Variants in CELF2 observed in about 807,000 individuals in gnomAD.
The protein encoded by CELF2 is CUG triplet repeat RNA-binding protein 2.
CELF2 carries 8 observed loss-of-function variants against 62.6 expected under a neutral mutation model. The ratio of observed to expected loss-of-function variants is 0.13; its 90% confidence interval spans 0.07 to 0.23. CELF2 has a LOEUF of 0.23. Among genes scored for constraint, CELF2 ranks in the 10% least tolerant of loss-of-function variants. CELF2 has a pLI of 1.00. For missense variants in CELF2, 333 were observed against 671.0 expected (o/e 0.50, Z 5.56); for synonymous variants, 258 against 250.0 (o/e 1.03, Z -0.30).
chr10:10,688,809 G>A, the CELF2 span, among the ~76,000 whole-genome samples: 1 of 151,676 alleles, frequency 6.6e-6, no homozygotes, highest in Non-Finnish European at 1.5e-5. Flanking sequence ...AGGCCAGTCT[G>A]AGCAACAAAA....
At chr10:10,701,615 T>C in the CELF2 span, among the ~76,000 whole-genome samples, 2 of 152,240 alleles carry the variant, frequency 1.3e-5, no homozygotes, top group Admixed American at 6.5e-5. Flanking sequence ...TAAGCATTAC[T>C]ATAACCAGGT....
intron 8 of CELF2, among the ~76,000 whole-genome samples, chr10:11,275,665 T>G (rs2085777880): frequency 6.6e-6 from 1 of 152,124 alleles, no homozygotes; most frequent in Non-Finnish European, 1.5e-5. Context: ...ATCAGAAGCT[T>G]TTATGTGAAA....
chr10:11,109,449 A>G (rs1211720055), intron 1 of CELF2, among the ~76,000 whole-genome samples: 3 of 152,210 alleles, frequency 2.0e-5, no homozygotes, highest in Non-Finnish European at 4.4e-5. Context: ...GTTTCTATCT[A>G]GAATTCGAAA....
chr10:10,914,974 C>CA (rs538015266), intron 1 of CELF2, among the ~76,000 whole-genome samples: 271 of 151,306 alleles, frequency 1.8e-3, no homozygotes, highest in Middle Eastern at 3.4e-3. Flanking sequence ...ACTAAAAATA[C>CA]AAAAAAAATT....
Position 11,242,740 on chromosome 10 carries a change from C to G in CELF2, c.355-6413C>G, listed in dbSNP as rs187197733. Among the ~76,000 whole-genome samples, 13 of 152,274 alleles carry G rather than the reference C, an allele frequency of 8.5e-5. No individual in the cohort carries two copies. The highest frequency in any genetic ancestry group is 8.8e-5 in the Non-Finnish European group (6 of 68,008). ...GAGGGGCATCAGGTCCAGTCACAGGCCAGCCAGGGTGAGGACCAGGGTGGA... is the reference window on the plus strand; with the variant it reads ...GAGGGGCATCAGGTCCAGTCACAGGGCAGCCAGGGTGAGGACCAGGGTGGA... On this transcript the variant is annotated intron_variant, in intron 3 of 12. Coordinates refer to ENST00000633077, the MANE Select transcript of CELF2 (RefSeq NM_001326342.2). The surrounding 1 kb of genome is among the most constrained non-coding windows in gnomAD (Gnocchi z 4.8).
rs1190976071 is a variant in CELF2, at chr10:11,177,311, G to A, written c.271+11629G>A. ...ATGCAGCATGATGAAAGAAATAAAAGTCTCCTTATTTTTTTACTTTCTGTG... is the reference window on the plus strand; with the variant it reads ...ATGCAGCATGATGAAAGAAATAAAAATCTCCTTATTTTTTTACTTTCTGTG... On this transcript the variant is annotated intron_variant, in intron 2 of 12. Transcript: ENST00000633077. This position sits in a 1 kb window ranked among gnomAD's most constrained non-coding sequence, Gnocchi z 4.8. 6.6e-6 allele frequency among the ~76,000 whole-genome samples: 1 copy of A among 151,726 alleles called. No individual in the cohort carries two copies. The highest frequency in any genetic ancestry group is 2.4e-5 in the African/African-American group (1 of 41,278).
At chr10:10,661,937 A>C in the CELF2 span, among the ~76,000 whole-genome samples, 3 of 152,142 alleles carry the variant, frequency 2.0e-5, no homozygotes, top group East Asian at 5.8e-4. Context: ...AACATCAGTC[A>C]ATCATTTGTT....
chr10:11,014,927 G>A (rs1779021200), upstream of CELF2, among the ~76,000 whole-genome samples: 1 of 152,288 alleles, frequency 6.6e-6, no homozygotes, highest in South Asian at 2.1e-4. Flanking sequence ...AAAACTATGA[G>A]GAAACTTCAT....
the CELF2 span, chr10:10,776,140 T>G: frequency 6.5e-6 from 1 of 152,852 alleles, no homozygotes; most frequent in Non-Finnish European, 1.5e-5. Context: ...ACAGAAAGAG[T>G]GCAGTTTACT....
intron 2 of CELF2, among the ~76,000 whole-genome samples, chr10:11,168,708 A>G (rs1049071756): frequency 1.3e-5 from 2 of 152,148 alleles, no homozygotes; most frequent in Non-Finnish European, 2.9e-5. Flanking sequence ...TCAGGCTGTT[A>G]CCTAATAATC....
At chr10:10,525,954 T>C in the CELF2 span, among the ~76,000 whole-genome samples, 1 of 152,236 alleles carries the variant, frequency 6.6e-6, no homozygotes, top group South Asian at 2.1e-4. Flanking sequence ...CCATATACAA[T>C]GGCTCTCTTG....
At chr10:10,846,728 G>C (rs2059038349) in intron 1 of CELF2, among the ~76,000 whole-genome samples, 1 of 152,212 alleles carries the variant, frequency 6.6e-6, no homozygotes. Context: ...TGCCCTTGCA[G>C]CTATGCCTGC....
At chr10:11,125,080 A>AC (rs2058445254) in intron 1 of CELF2, among the ~76,000 whole-genome samples, 1 of 152,158 alleles carries the variant, frequency 6.6e-6, no homozygotes, top group South Asian at 2.1e-4. Flanking sequence ...TAGCTGGACC[A>AC]TTAAGTATGA....
At chr10:10,976,471 G>A (rs2136282106) in intron 2 of CELF2, among the ~76,000 whole-genome samples, 1 of 152,064 alleles carries the variant, frequency 6.6e-6, no homozygotes, top group African/African-American at 2.4e-5. Context: ...GTCAGGCTTG[G>A]TCTTTTTTTT....
intron 2 of CELF2, among the ~76,000 whole-genome samples, chr10:10,920,942 T>TTTG (rs145373066): frequency 4.1e-4 from 62 of 152,016 alleles, no homozygotes; most frequent in Middle Eastern, 3.4e-3. Flanking sequence ...GTGCCTTTGT[T>TTTG]TTGTTGTTGT....
In CELF2 at chr10:11,329,137, G is replaced by A; in HGVS notation, c.*84G>A. On this transcript the variant is annotated 3_prime_UTR_variant, in exon 13 of 13. Transcript: ENST00000633077. The surrounding 1 kb of genome is among the most constrained non-coding windows in gnomAD (Gnocchi z 5.5). ...CCAGCCTGTCTCAACAGGGAAGGCA[G>A]AGGAGGACCACATTGCCAACTTTTA... 7.0e-7 allele frequency: 1 copy of A among 1,419,226 alleles called. No individual in the cohort carries two copies. The highest frequency in any genetic ancestry group is 1.5e-5 in the South Asian group (1 of 67,146). The allele number at this position is 1,419,226 out of a possible 1,614,324, so 87.9% of individuals were successfully genotyped here. A position where few individuals can be genotyped will look rare whatever the true frequency, so the allele number is the denominator to read the frequency against.
At chr10:10,616,687 TGTGC>T in the CELF2 span, among the ~76,000 whole-genome samples, 3 of 132,106 alleles carry the variant, frequency 2.3e-5, no homozygotes, top group African/African-American at 8.9e-5. Flanking sequence ...TGTGTGTGTG[TGTGC>T]GTGTGTGTGT....
chr10:11,287,712 A>T (rs2091684185), intron 8 of CELF2, among the ~76,000 whole-genome samples: 1 of 152,252 alleles, frequency 6.6e-6, no homozygotes, highest in Non-Finnish European at 1.5e-5. Flanking sequence ...TTGAATCCAG[A>T]GAGAGAAGTT....
chr10:10,589,726 T>C, the CELF2 span, among the ~76,000 whole-genome samples: 4 of 152,218 alleles, frequency 2.6e-5, no homozygotes, highest in Non-Finnish European at 5.9e-5. Context: ...CTGTCTTCAC[T>C]GTTCACATGA....
Sources: gnomAD v4.1 joint callset for allele counts (sites outside exome capture counted in the v4.1 genomes callset) on GRCh38, gnomAD v4.1.1 for gene constraint, Gnocchi (gnomAD v3.1) non-coding constraint, MANE v1.5 for transcripts, NCBI Gene and HGNC (gene_info 2026-07-23, HGNC 2026-07-21) for gene names.